DAB1: variants seen among roughly 807,000 people sequenced by gnomAD.
The protein encoded by DAB1 is DAB adaptor protein 1, also known as disabled homolog 1.
DAB1 carries 15 observed loss-of-function variants against 64.6 expected under a neutral mutation model. That is an observed-to-expected ratio of 0.23 (90% confidence interval 0.16 to 0.36). The LOEUF (loss-of-function observed/expected upper bound fraction) is 0.36. Among genes scored for constraint, DAB1 ranks in the 10% least tolerant of loss-of-function variants. The pLI is 1.00. For missense variants in DAB1, 596 were observed against 706.7 expected, an observed-to-expected ratio of 0.84 and a Z score of 1.78; for synonymous variants, 235 against 251.9, an observed-to-expected ratio of 0.93 and a Z score of 0.64.
intron 5 of DAB1, among the ~76,000 whole-genome samples, chr1:58,129,808 T>A (rs1340772415): frequency 2.0e-5 from 3 of 152,094 alleles, no homozygotes; most frequent in African/African-American, 7.2e-5. Context: ...TTGATCGCAC[T>A]GTGGTCTGAG....
intron 4 of DAB1, among the ~76,000 whole-genome samples, chr1:58,323,924 C>CAAAAAAA (rs11432020): frequency 1.2e-5 from 1 of 80,116 alleles, no homozygotes; most frequent in Non-Finnish European, 2.6e-5. Flanking sequence ...GACTCCATCT[C>CAAAAAAA]AAAAAAAAAA....
intron 2 of DAB1, among the ~76,000 whole-genome samples, chr1:57,153,814 A>AT (rs1659942015): frequency 6.6e-6 from 1 of 151,190 alleles, no homozygotes; most frequent in Non-Finnish European, 1.5e-5. Context: ...ATTTTTTTGT[A>AT]TTTTTTAGTA....
intron 4 of DAB1, among the ~76,000 whole-genome samples, chr1:58,257,986 T>C (rs1396258567): frequency 6.6e-6 from 1 of 152,172 alleles, no homozygotes; most frequent in Non-Finnish European, 1.5e-5. Flanking sequence ...GATGAAGACT[T>C]GCTTATTTGG....
chr1:57,987,602 T>G (rs1043740497), intron 5 of DAB1, among the ~76,000 whole-genome samples: 1 of 152,070 alleles, frequency 6.6e-6, no homozygotes, highest in Non-Finnish European at 1.5e-5. Context: ...CGTGGCAGAG[T>G]GTGATAAGCT....
upstream of DAB1, among the ~76,000 whole-genome samples, chr1:57,425,483 C>T (rs1685249115): frequency 6.6e-6 from 1 of 152,074 alleles, no homozygotes; most frequent in South Asian, 2.1e-4. Context: ...GCCAGTAGGT[C>T]CAGGGCTGGT....
At chr1:57,153,732 G>C (rs1247730885) in intron 2 of DAB1, among the ~76,000 whole-genome samples, 1 of 152,026 alleles carries the variant, frequency 6.6e-6, no homozygotes, top group Non-Finnish European at 1.5e-5. Flanking sequence ...CCACCTCCCA[G>C]GTTCACGCCA....
At chr1:57,462,222 TACAGGCGTGAGCC>T (rs1348538476) in intron 7 of DAB1, among the ~76,000 whole-genome samples, 5 of 152,126 alleles carry the variant, frequency 3.3e-5, no homozygotes, top group Non-Finnish European at 5.9e-5. Context: ...GTGCTGGGAT[TACAGGCGTGAGCC>T]ACTGCACCGG....
At chr1:57,831,058 C>T (rs781006825) in intron 1 of DAB1, among the ~76,000 whole-genome samples, 2 of 152,122 alleles carry the variant, frequency 1.3e-5, no homozygotes, top group African/African-American at 2.4e-5. Context: ...AGACTACAGG[C>T]GCCCGCCACC....
intron 5 of DAB1, among the ~76,000 whole-genome samples, chr1:57,894,784 A>C (rs1446742210): frequency 6.6e-6 from 1 of 152,220 alleles, no homozygotes; most frequent in Non-Finnish European, 1.5e-5. Context: ...TAATTTTGCC[A>C]TGCGCTGTGA....
intron 6 of DAB1, among the ~76,000 whole-genome samples, chr1:57,662,534 T>C (rs1646399908): frequency 6.6e-6 from 1 of 152,188 alleles, no homozygotes; most frequent in African/African-American, 2.4e-5. Context: ...GGTGCCTGCA[T>C]AGGCAGGACA....
At chr1:57,454,445 G>C (rs1020169769) in intron 7 of DAB1, among the ~76,000 whole-genome samples, 1 of 152,056 alleles carries the variant, frequency 6.6e-6, no homozygotes, top group Non-Finnish European at 1.5e-5. Context: ...TTAAGTGGGA[G>C]CTAAATGATG....
chr1:57,862,231 T>C (rs1038410537), intron 1 of DAB1, among the ~76,000 whole-genome samples: 7 of 152,206 alleles, frequency 4.6e-5, no homozygotes, highest in Admixed American at 2.6e-4. Flanking sequence ...ATAGATAGTA[T>C]TATCTTGATT....
At chr1:58,219,050 T>C (rs1338795431) in intron 4 of DAB1, among the ~76,000 whole-genome samples, 1 of 151,100 alleles carries the variant, frequency 6.6e-6, no homozygotes, top group African/African-American at 2.4e-5. Flanking sequence ...TGTGTTTCAA[T>C]TTAAAATACA....
chr1:57,952,608 T>C (rs567894415), intron 5 of DAB1, among the ~76,000 whole-genome samples: 29 of 152,252 alleles, frequency 1.9e-4, no homozygotes, highest in African/African-American at 6.7e-4. Context: ...TTCTAGATTC[T>C]TGATGGGAGG....
chr1:57,759,804 A>G (rs1399726527), intron 6 of DAB1, among the ~76,000 whole-genome samples: 1 of 152,132 alleles, frequency 6.6e-6, no homozygotes, highest in Non-Finnish European at 1.5e-5. Flanking sequence ...GGTGGCGGTG[A>G]AGGAGGTGCA....
In DAB1 at chr1:57,253,573, C is replaced by T. The variant is rs562200132; in HGVS notation, c.67+37391G>A. Reference sequence around the variant, plus strand: ...TTTAGTGATCCCCAGGATGTAGTATCATCAGTAAAGGACAAGCAATCTTTC... The same window carrying T: ...TTTAGTGATCCCCAGGATGTAGTATTATCAGTAAAGGACAAGCAATCTTTC... On this transcript the variant is annotated intron_variant, in intron 2 of 14. Coordinates refer to ENST00000371236, the MANE Select transcript of DAB1 (RefSeq NM_001365792.1). Among the ~76,000 whole-genome samples the T allele has an allele frequency of 1.1e-4, 17 of 152,212 alleles. No homozygotes were observed. In the South Asian group the frequency reaches 3.5e-3, roughly 32 times the overall value.
intron 6 of DAB1, among the ~76,000 whole-genome samples, chr1:57,732,790 G>C (rs1647498937): frequency 1.3e-5 from 2 of 152,182 alleles, no homozygotes. Context: ...AGAGAGGAGA[G>C]ACTGGTCCTG....
intron 2 of DAB1, among the ~76,000 whole-genome samples, chr1:57,258,764 A>T (rs1669957569): frequency 6.6e-6 from 1 of 152,086 alleles, no homozygotes; most frequent in South Asian, 2.1e-4. Context: ...CCTGGATGTG[A>T]CACATCGAGT....
At chr1:58,059,044 G>A (rs1428370105) in intron 5 of DAB1, among the ~76,000 whole-genome samples, 1 of 152,156 alleles carries the variant, frequency 6.6e-6, no homozygotes, top group Non-Finnish European at 1.5e-5. Flanking sequence ...ACTGTACCAG[G>A]GCCATCTGCA....
Sources: allele counts gnomAD v4.1 joint callset (sites outside exome capture counted in the v4.1 genomes callset), GRCh38; gene constraint gnomAD v4.1.1; transcripts MANE v1.5; gene names NCBI Gene and HGNC (gene_info 2026-07-23, HGNC 2026-07-21).